Variants in CRLF2 observed in about 807,000 individuals in gnomAD.
The protein encoded by CRLF2 is cytokine receptor-like factor 2.
In CRLF2, 41 loss-of-function variants were observed where a neutral mutation model predicts 38.7. The ratio of observed to expected loss-of-function variants is 1.06; its 90% confidence interval spans 0.83 to 1.37. The LOEUF is 1.37. CRLF2 is among the 40% of genes most tolerant of loss of function. The probability of loss-of-function intolerance (pLI) is 0.00; values close to 1 mark genes in which losing one functional copy is unlikely to be tolerated. For missense variants in CRLF2, 377 were observed against 322.2 expected, an observed-to-expected ratio of 1.17 and a Z score of -1.30; for synonymous variants, 140 against 128.8, an observed-to-expected ratio of 1.09 and a Z score of -0.59.
At chrX:1,192,117 A>G (rs1321564426) in intron 7 of CRLF2, among the ~76,000 whole-genome samples, 3 of 144,962 alleles carry the variant, frequency 2.1e-5, no homozygotes, top group East Asian at 4.5e-4. Flanking sequence ...AGGCAGGAGA[A>G]TGGCGTGAAC....
At chrX:1,208,681 A>G (rs1267176447) in intron 2 of CRLF2, 125 bp downstream of exon 2, 13 of 681,956 alleles carry the variant, frequency 1.9e-5, no homozygotes, top group Non-Finnish European at 3.2e-5. Context: ...TCACAGAACA[A>G]ACATTCCGGC....
rs2086483936 is a variant in CRLF2, at chrX:1,196,774, C to G, written c.767+6G>C. The G allele has an allele frequency of 1.9e-6, 3 of 1,613,238 alleles. No homozygotes were observed. Among genetic ancestry groups the G allele is most frequent in the Non-Finnish European group, 2.5e-6 (3 of 1,179,518 alleles). ...TCCACCCACGGGCGGCAGGAGTCATCCTTACCTCCATAATTTCCATAAAGA... is the reference window on the plus strand; with the variant it reads ...TCCACCCACGGGCGGCAGGAGTCATGCTTACCTCCATAATTTCCATAAAGA... On this transcript the variant is annotated splice_donor_region_variant and intron_variant, in intron 6 of 7. Coordinates refer to ENST00000400841, the MANE Select transcript of CRLF2 (RefSeq NM_022148.4).
At chrX:1,198,019 A>G (rs1408313274) in intron 5 of CRLF2, among the ~76,000 whole-genome samples, 1 of 151,458 alleles carries the variant, frequency 6.6e-6, no homozygotes, top group Non-Finnish European at 1.5e-5. Context: ...AAGAAAGAAA[A>G]CTCTCCCAAG....
At position 1,191,007 on chromosome X, in the gene CRLF2, C is replaced by A; in HGVS notation, c.1006G>T (p.Ala336Ser). The change falls in exon 8 of 8, where the codon GCC becomes TCC. Residue 336 changes from alanine (A) to serine (S), a missense_variant. By Grantham distance (99) the Ala-to-Ser change is moderately conservative. Transcript: ENST00000400841. ...MLDPQTEEKE[A>S]SGGSLQLPHQ... ...GGAAGCTGGAGGGATCCCCCAGAGG[C>A]CTCTTTCTCCTCGGTCTGTGGGTCC... The A allele has an allele frequency of 5.0e-6, 2 of 398,698 alleles. No individual in the cohort carries two copies. The highest frequency in any genetic ancestry group is 8.8e-6 in the Non-Finnish European group (2 of 226,132). 24.7% of individuals were successfully genotyped at this position (398,698 alleles called of 1,614,324 possible).
chrX:1,198,806 T>C, intron 4 of CRLF2, 82 bp from the exon 5 acceptor site: 3 of 1,333,596 alleles, frequency 2.2e-6, no homozygotes, highest in South Asian at 2.6e-5. Context: ...GTAACCTGTC[T>C]GTCCAGAGTT....
chrX:1,211,493 ATAAG>A (rs2086800457), intron 1 of CRLF2, among the ~76,000 whole-genome samples: 30 of 59,904 alleles, frequency 5.0e-4, no homozygotes, highest in East Asian at 9.5e-4. Context: ...GGATGGATGG[ATAAG>A]TGGATAAAAG....
intron 5 of CRLF2, 73 bp downstream of exon 5, chrX:1,198,489 C>T (rs1230303576): frequency 1.4e-5 from 21 of 1,541,404 alleles, no homozygotes; most frequent in South Asian, 5.6e-5. Flanking sequence ...TCCCACCTCC[C>T]GGGAAGGCAG....
intron 7 of CRLF2, 22 bp downstream of exon 7, chrX:1,193,196 G>C (rs2147820919): frequency 2.5e-6 from 1 of 398,494 alleles, no homozygotes; most frequent in East Asian, 3.6e-5. Context: ...GAGGAGAAGA[G>C]ACACAAGGAG....
Position 1,199,104 on chromosome X carries a change from G to A in CRLF2, c.484-380C>T, listed in dbSNP as rs183995534. On this transcript the variant is annotated intron_variant, in intron 4 of 7. Transcript: ENST00000400841. ...GCGAAGGTTGTAGCAAGCAGAGATCGCACCACTGCACTCCAGCCTGGGTGA... is the reference window on the plus strand; with the variant it reads ...GCGAAGGTTGTAGCAAGCAGAGATCACACCACTGCACTCCAGCCTGGGTGA... 3.0e-3 allele frequency: 1,053 copies of A among 347,004 alleles called. 7 individuals are homozygous for A. The highest frequency in any genetic ancestry group is 0.021 in the African/African-American group (993 of 46,824). The allele number at this position is 347,004 out of a possible 1,614,324, so 21.5% of individuals were successfully genotyped here.
Position 1,202,405 on chromosome X carries a change from C to CCACT in CRLF2, c.476_479dup (p.Trp160Ter), listed in dbSNP as rs778937060. The CCACT allele has an allele frequency of 1.2e-6, 2 of 1,613,566 alleles. No individual in the cohort carries two copies. Among genetic ancestry groups the CCACT allele is most frequent in the Admixed American group, 3.3e-5 (2 of 59,996 alleles). ...GAGTCGCGGCCGCCCGGCTCACCTGCCACTCGGTGTCGAAGGGGCTCCGGT... is the reference window on the plus strand; with the variant it reads ...GAGTCGCGGCCGCCCGGCTCACCTGCCACTCACTCGGTGTCGAAGGGGCTCCGGT... On this transcript the variant is annotated stop_gained and frameshift_variant, in exon 4 of 8. Transcript: ENST00000400841. LOFTEE classifies it high-confidence loss of function.
chrX:1,192,161 C>T (rs1435486967), intron 7 of CRLF2, among the ~76,000 whole-genome samples: 22 of 134,068 alleles, frequency 1.6e-4, no homozygotes, highest in East Asian at 9.5e-4. Context: ...GCCGAGATCC[C>T]GCCACTGCAC....
chrX:1,200,410 T>C (rs1351610772), intron 4 of CRLF2, among the ~76,000 whole-genome samples: 1 of 136,644 alleles, frequency 7.3e-6, no homozygotes, highest in African/African-American at 2.6e-5. Flanking sequence ...TATATGTGTA[T>C]ATAAGCTGTG....
At chrX:1,205,808 A>T (rs192980527) in intron 3 of CRLF2, among the ~76,000 whole-genome samples, 2 of 152,006 alleles carry the variant, frequency 1.3e-5, no homozygotes, top group Non-Finnish European at 2.9e-5. Context: ...AGCTACGGTA[A>T]TCACTGATCC....
intron 3 of CRLF2, among the ~76,000 whole-genome samples, chrX:1,202,924 T>C (rs2086633797): frequency 6.6e-6 from 1 of 151,542 alleles, no homozygotes; most frequent in East Asian, 2.0e-4. Context: ...GCCTGGCCAA[T>C]ATGCTAAAAC....
chrX:1,191,503 C>G (rs2086380360), intron 7 of CRLF2, among the ~76,000 whole-genome samples: 1 of 151,460 alleles, frequency 6.6e-6, no homozygotes, highest in South Asian at 2.1e-4. Context: ...TCCAGGAGCT[C>G]TGACACCAAT....
rs1425551150 is a variant in CRLF2 at position 1,195,228 on chromosome X, G to A, written c.767+1552C>T. ...CAGAAATAAATAAATCAATAAATAA[G>A]AAAATGACTCAACCTCACATTTTTG... On this transcript the variant is annotated intron_variant, in intron 6 of 7. Coordinates refer to ENST00000400841, the MANE Select transcript of CRLF2 (RefSeq NM_022148.4). 6.4e-3 allele frequency among the ~76,000 whole-genome samples: 973 copies of A among 151,938 alleles called. 8 individuals are homozygous for A. The highest frequency in any genetic ancestry group is 0.022 in the African/African-American group (921 of 41,474).
At chrX:1,208,974 A>G (rs1178369692) in intron 1 of CRLF2, 66 bp from the exon 2 acceptor site, 7 of 983,216 alleles carry the variant, frequency 7.1e-6, no homozygotes, top group African/African-American at 5.0e-5. Flanking sequence ...TTTTAAATTT[A>G]TTTTTCTTTT....
chrX:1,211,525 A>G (rs2086801597), intron 1 of CRLF2, among the ~76,000 whole-genome samples: 1 of 47,766 alleles, frequency 2.1e-5, no homozygotes, highest in Admixed American at 2.0e-4. Context: ...GAATGCATGG[A>G]TAGATGGATG....
intron 6 of CRLF2, 134 bp downstream of exon 6, chrX:1,196,646 A>T: frequency 8.6e-7 from 1 of 1,159,490 alleles, no homozygotes; most frequent in Non-Finnish European, 1.2e-6. Context: ...ATAATCCACC[A>T]TCAGAAGAGT....
Sources: gnomAD v4.1 joint callset for allele counts (sites outside exome capture counted in the v4.1 genomes callset) on GRCh38, gnomAD v4.1.1 for gene constraint, MANE v1.5 for transcripts, NCBI Gene and HGNC (gene_info 2026-07-23, HGNC 2026-07-21) for gene names.